Variants in RPS6KC1 observed in about 807,000 individuals in gnomAD.
RPS6KC1 encodes the protein ribosomal protein S6 kinase C1.
Under a neutral mutation model 103.8 loss-of-function variants are expected in RPS6KC1, and 54 were observed. That is an observed-to-expected ratio of 0.52 (90% confidence interval 0.42 to 0.65). The LOEUF (loss-of-function observed/expected upper bound fraction) is 0.65, where lower values mean the gene tolerates loss of function less well. RPS6KC1 is among the 30% of genes least tolerant of loss of function. The pLI is 0.00. For synonymous variants in RPS6KC1, 439 were observed against 438.7 expected (o/e 1.00, Z -0.01); for missense variants, 1,151 against 1,253.8 (o/e 0.92, Z 1.24).
At chr1:213,476,766 T>G in the RPS6KC1 span, among the ~76,000 whole-genome samples, 2 of 152,204 alleles carry the variant, frequency 1.3e-5, no homozygotes, top group African/African-American at 4.8e-5. Context: ...GTTGCCCTTG[T>G]GCTATTTTCC....
chr1:213,656,904 T>C, the RPS6KC1 span, among the ~76,000 whole-genome samples: 3,080 of 152,322 alleles, frequency 0.02, 47 homozygotes, highest in Middle Eastern at 0.048. Context: ...CTACCTTACA[T>C]TACTTTTTTG....
chr1:213,728,043 G>A, the RPS6KC1 span, among the ~76,000 whole-genome samples: 3 of 152,290 alleles, frequency 2.0e-5, no homozygotes, highest in African/African-American at 7.2e-5. Flanking sequence ...TGCAGTGGCT[G>A]TATGCTAAGT....
the RPS6KC1 span, among the ~76,000 whole-genome samples, chr1:213,839,117 T>C: frequency 3.3e-5 from 5 of 152,198 alleles, no homozygotes; most frequent in Non-Finnish European, 5.9e-5. Context: ...GGTTGGTTCA[T>C]TGTTCTACTG....
chr1:213,156,518 A>G (rs1393036178), intron 6 of RPS6KC1, among the ~76,000 whole-genome samples: 1 of 152,244 alleles, frequency 6.6e-6, no homozygotes, highest in African/African-American at 2.4e-5. Flanking sequence ...AAACATGAAT[A>G]CTACACCAAG....
the RPS6KC1 span, among the ~76,000 whole-genome samples, chr1:213,502,116 T>TA: frequency 1.3e-5 from 2 of 152,312 alleles, no homozygotes; most frequent in African/African-American, 4.8e-5. Flanking sequence ...TCCCTTATTT[T>TA]AAAAAATTCC....
At chr1:213,452,712 C>T in the RPS6KC1 span, among the ~76,000 whole-genome samples, 2 of 152,244 alleles carry the variant, frequency 1.3e-5, no homozygotes, top group African/African-American at 4.8e-5. Flanking sequence ...GTAGCAGGCT[C>T]AGCCCTGTCC....
At chr1:213,552,387 G>A in the RPS6KC1 span, among the ~76,000 whole-genome samples, 1,072 of 152,270 alleles carry the variant, frequency 7.0e-3, 11 homozygotes, top group African/African-American at 0.021. Context: ...ATTTGGTCTC[G>A]TCAGTGTTTT....
At chr1:213,311,390 G>A in the RPS6KC1 span, among the ~76,000 whole-genome samples, 8 of 152,188 alleles carry the variant, frequency 5.3e-5, no homozygotes, top group Non-Finnish European at 7.4e-5. Flanking sequence ...CACCCACCTC[G>A]GCCTCCCAAA....
At chr1:213,169,077 T>C (rs61834125) in intron 7 of RPS6KC1, among the ~76,000 whole-genome samples, 1 of 152,156 alleles carries the variant, frequency 6.6e-6, no homozygotes, top group Non-Finnish European at 1.5e-5. Context: ...AAAAAAAATT[T>C]CTGTGGATTA....
chr1:213,521,007 A>G, the RPS6KC1 span, among the ~76,000 whole-genome samples: 2 of 152,220 alleles, frequency 1.3e-5, no homozygotes, highest in African/African-American at 4.8e-5. Context: ...TGTATATAAT[A>G]TACAGAATAT....
chr1:213,463,301 G>A, the RPS6KC1 span, among the ~76,000 whole-genome samples: 3 of 152,166 alleles, frequency 2.0e-5, no homozygotes, highest in Non-Finnish European at 2.9e-5. Flanking sequence ...TGGGCAAGCC[G>A]TAGGCTCTGC....
At chr1:213,152,284 C>T (rs1259326651) in intron 6 of RPS6KC1, among the ~76,000 whole-genome samples, 3 of 147,514 alleles carry the variant, frequency 2.0e-5, no homozygotes, top group Non-Finnish European at 3.0e-5. Flanking sequence ...GGGGGCTGAT[C>T]CCCCTACCTC....
At chr1:213,614,808 A>C in the RPS6KC1 span, among the ~76,000 whole-genome samples, 2 of 152,186 alleles carry the variant, frequency 1.3e-5, no homozygotes, top group Non-Finnish European at 2.9e-5. Flanking sequence ...GTGGAAGAGG[A>C]GCTTGCAAAC....
chr1:213,422,787 T>C, the RPS6KC1 span, among the ~76,000 whole-genome samples: 1 of 152,208 alleles, frequency 6.6e-6, no homozygotes, highest in Admixed American at 6.5e-5. Context: ...AACACATTGT[T>C]TGTATTGACA....
the RPS6KC1 span, among the ~76,000 whole-genome samples, chr1:213,391,163 G>T: frequency 6.6e-6 from 1 of 152,168 alleles, no homozygotes; most frequent in African/African-American, 2.4e-5. Context: ...GGGAAACAGA[G>T]AAAGGCAGAA....
chr1:213,243,500 C>T (rs1007742017), intron 12 of RPS6KC1, among the ~76,000 whole-genome samples: 1 of 152,098 alleles, frequency 6.6e-6, no homozygotes, highest in Non-Finnish European at 1.5e-5. Flanking sequence ...ATAGACAAAA[C>T]AGTTTTATCT....
chr1:213,195,540 A>G (rs2092913246), intron 8 of RPS6KC1, among the ~76,000 whole-genome samples: 1 of 152,228 alleles, frequency 6.6e-6, no homozygotes, highest in Non-Finnish European at 1.5e-5. Context: ...GTGATTTCTG[A>G]GATTTTGGTG....
the RPS6KC1 span, among the ~76,000 whole-genome samples, chr1:213,484,107 G>A: frequency 0.05 from 7,566 of 151,338 alleles, 610 homozygotes; most frequent in African/African-American, 0.17. Flanking sequence ...ACACTAAATG[G>A]CCTCAGGGAG....
At chr1:213,682,255 C>T in the RPS6KC1 span, among the ~76,000 whole-genome samples, 1 of 152,198 alleles carries the variant, frequency 6.6e-6, no homozygotes, top group Non-Finnish European at 1.5e-5. Flanking sequence ...GTCCATTCTT[C>T]TCCGTCCCTC....
Sources: allele counts gnomAD v4.1 joint callset (sites outside exome capture counted in the v4.1 genomes callset), GRCh38; gene constraint gnomAD v4.1.1; transcripts MANE v1.5; gene names NCBI Gene and HGNC (gene_info 2026-07-23, HGNC 2026-07-21).